Variants in REXO2 observed in about 807,000 individuals in gnomAD.
REXO2 encodes the protein oligoribonuclease, mitochondrial.
REXO2 carries 17 observed loss-of-function variants against 30.9 expected under a neutral mutation model. The ratio of observed to expected loss-of-function variants is 0.55; its 90% CI spans 0.38 to 0.82. The LOEUF is 0.82. Ranked by LOEUF, REXO2 falls within the 40% of genes least tolerant of loss-of-function variation. The pLI is 0.00. For missense variants in REXO2, 253 were observed against 293.2 expected (o/e 0.86, Z 1.00); for synonymous variants, 105 against 99.6 (o/e 1.05, Z -0.32).
In REXO2 at chr11:114,443,939, A is replaced by T; in HGVS notation, c.309+6A>T. The T allele has an allele frequency of 4.4e-6, 7 of 1,596,436 alleles. No individual in the cohort carries two copies. The highest frequency in any genetic ancestry group is 6.0e-6 in the Non-Finnish European group (7 of 1,168,520). ...GTAAGGAGCATCACGGGAAGGTAACATTACCAAATAACAGGATTGCTGCTT... is the reference window on the plus strand; with the variant it reads ...GTAAGGAGCATCACGGGAAGGTAACTTTACCAAATAACAGGATTGCTGCTT... On this transcript the variant is annotated splice_donor_region_variant and intron_variant, in intron 3 of 6. Transcript: ENST00000265881.
At chr11:114,449,787 A>T (rs1212764849) in intron 6 of REXO2, 59 bp from the exon 7 acceptor site, 3 of 1,540,012 alleles carry the variant, frequency 1.9e-6, no homozygotes, top group African/African-American at 1.4e-5. Context: ...TGTACTTTTA[A>T]AATGATTTTC....
At position 114,439,586 on chromosome 11, in the gene REXO2, C is replaced by G. The variant is rs1565269550; in HGVS notation, c.58C>G (p.Arg20Gly). The change falls in exon 1 of 7, where the codon CGG (arginine) becomes GGG (glycine). Residue 20 changes from arginine (R) to glycine (G), a missense_variant. Coordinates refer to ENST00000265881, the MANE Select transcript of REXO2 (RefSeq NM_015523.4). Reference sequence around the variant, plus strand: ...GCGGGGTGTAGGTGGGAGTCACGGACGGTTCGGGGCCCGAGGTGTCCGCGA... The same window carrying G: ...GCGGGGTGTAGGTGGGAGTCACGGAGGGTTCGGGGCCCGAGGTGTCCGCGA... ...LLRGVGGSHG[R>G]FGARGVREGG... The G allele has an allele frequency of 6.2e-7, 1 of 1,608,836 alleles. No homozygotes were observed. Among genetic ancestry groups the G allele is most frequent in the South Asian group, 1.1e-5 (1 of 90,908 alleles).
chr11:114,442,996 A>C lies in REXO2; in HGVS notation c.232-860A>C, dbSNP rs1167852479. On this transcript the variant is annotated intron_variant, in intron 2 of 6. Transcript: ENST00000265881. Reference sequence around the variant, plus strand: ...GCTCCTTCTTACTCCAAGTTTATGTATTGTCTTGATATTTTGTATGTTTAT... The same window carrying C: ...GCTCCTTCTTACTCCAAGTTTATGTCTTGTCTTGATATTTTGTATGTTTAT... Among the ~76,000 whole-genome samples the C allele has an allele frequency of 2.6e-5, 4 of 151,838 alleles. No homozygotes were observed. In the East Asian group the frequency reaches 7.7e-4, roughly 29 times the overall value.
At chr11:114,444,354 T>C (rs1946499221) in intron 3 of REXO2, 187 bp from the exon 4 acceptor site, 2 of 637,618 alleles carry the variant, frequency 3.1e-6, no homozygotes, top group African/African-American at 3.7e-5. Flanking sequence ...CATAACTAAG[T>C]TGGCTTGGAT....
Position 114,439,599 on chromosome 11 carries a change from G to A in REXO2, c.71G>A (p.Arg24Gln), listed in dbSNP as rs1300784375. The change falls in exon 1 of 7, where the codon CGA (arginine) becomes CAA (glutamine). Residue 24 changes from arginine (R) to glutamine (Q), a missense_variant. Coordinates refer to ENST00000265881, the MANE Select transcript of REXO2 (RefSeq NM_015523.4). ...VGGSHGRFGARGVREGGAAMA... is the reference protein window; with the variant it reads ...VGGSHGRFGAQGVREGGAAMA... ...GGGAGTCACGGACGGTTCGGGGCCC[G>A]AGGTGTCCGCGAAGGTGGCGCAGCC... is the stretch of plus-strand genomic sequence containing the variant. The A allele has an allele frequency of 1.2e-6, 2 of 1,607,580 alleles. No individual in the cohort carries two copies. The highest frequency in any genetic ancestry group is 2.2e-5 in the East Asian group (1 of 44,584).
chr11:114,441,609 A>G (rs1340458054), intron 2 of REXO2: 2 of 629,746 alleles, frequency 3.2e-6, no homozygotes, highest in Non-Finnish European at 5.7e-6. Context: ...ACTCCAGAAT[A>G]GGAACAAAGT....
chr11:114,442,469 C>T (rs548023346), intron 2 of REXO2, among the ~76,000 whole-genome samples: 5 of 151,926 alleles, frequency 3.3e-5, no homozygotes, highest in Non-Finnish European at 7.4e-5. Context: ...TTTGTTTCTT[C>T]GCAGAGATTA....
chr11:114,449,906 C>A lies in REXO2; in HGVS notation c.645C>A (p.Phe215Leu). 6.2e-7 allele frequency: 1 copy of A among 1,607,290 alleles called. No individual in the cohort carries two copies. Among genetic ancestry groups the A allele is most frequent in the South Asian group, 1.1e-5 (1 of 89,780 alleles). Residue 215 changes from phenylalanine (F) to leucine (L), a missense_variant, in exon 7 of 7, where the codon TTC (phenylalanine) becomes TTA (leucine). Physicochemically the swap from Phe to Leu is conservative, Grantham distance 22. Coordinates refer to ENST00000265881, the MANE Select transcript of REXO2 (RefSeq NM_015523.4). ...KELQFYRNNIFKKKIDEKKRK... is the reference protein window; with the variant it reads ...KELQFYRNNILKKKIDEKKRK... The stretch of plus-strand genomic sequence containing the variant: ...TTCAGTTTTACCGAAATAACATCTT[C>A]AAGAAAAAAATAGATGAAAAGAAGA...
chr11:114,446,285 T>C, intron 5 of REXO2, 198 bp downstream of exon 5: 1 of 387,176 alleles, frequency 2.6e-6, no homozygotes, highest in Non-Finnish European at 4.6e-6. Flanking sequence ...TCAGACATGT[T>C]CCCAGTAAAT....
At chr11:114,443,273 ATTTTTTT>A (rs368759864) in intron 2 of REXO2, among the ~76,000 whole-genome samples, 3 of 138,524 alleles carry the variant, frequency 2.2e-5, no homozygotes, top group Non-Finnish European at 3.2e-5. Context: ...GGCCCACCTA[ATTTTTTT>A]TTTTTTTTTT....
At chr11:114,443,032 GT>G (rs530889192) in intron 2 of REXO2, among the ~76,000 whole-genome samples, 1 of 150,634 alleles carries the variant, frequency 6.6e-6, no homozygotes, top group Non-Finnish European at 1.5e-5. Context: ...ATAAATGCGT[GT>G]TTTTTTTAAA....
At chr11:114,439,748 C>T (rs1026795659) in intron 1 of REXO2, 73 bp downstream of exon 1, 12 of 1,418,442 alleles carry the variant, frequency 8.5e-6, no homozygotes, top group African/African-American at 7.3e-5. Flanking sequence ...TCGAGCCCGT[C>T]CTGGGAGAGC....
intron 1 of REXO2, 86 bp downstream of exon 1, chr11:114,439,761 TG>T: frequency 7.1e-7 from 1 of 1,400,050 alleles, no homozygotes. Context: ...GGGAGAGCGT[TG>T]GGGGTCTGGG....
intron 1 of REXO2, 104 bp from the exon 2 acceptor site, chr11:114,440,552 A>G: frequency 1.2e-6 from 1 of 845,106 alleles, no homozygotes; most frequent in Non-Finnish European, 1.9e-6. Context: ...TCGGCTATGG[A>G]TTACAAGCTG....
intron 2 of REXO2, among the ~76,000 whole-genome samples, chr11:114,443,366 C>T (rs1016673197): frequency 5.9e-5 from 9 of 151,890 alleles, no homozygotes; most frequent in Non-Finnish European, 1.2e-4. Context: ...GATCCTCCCA[C>T]CTCGGCCTCC....
Position 114,439,630 on chromosome 11 carries a change from G to T in REXO2, c.102G>T (p.Ala34=). ...TCCGCGAAGGTGGCGCAGCCATGGC[G>T]GCAGGGGAGAGCATGGCTCAGCGGA... ...RGVREGGAAM[A]AGESMAQRMV... The change falls in exon 1 of 7, where the codon GCG becomes GCT. Residue 34 remains alanine (A), a synonymous_variant. Transcript: ENST00000265881. 1 of 1,600,848 alleles carries T rather than the reference G, an allele frequency of 6.2e-7. No homozygotes were observed.
chr11:114,440,355 GGTA>G (rs1946468199), intron 1 of REXO2, among the ~76,000 whole-genome samples: 1 of 152,162 alleles, frequency 6.6e-6, no homozygotes, highest in South Asian at 2.1e-4. Flanking sequence ...ACGTGGTGGT[GGTA>G]GTTATCCAAC....
intron 6 of REXO2, 131 bp from the exon 7 acceptor site, chr11:114,449,715 G>T: frequency 2.5e-6 from 2 of 800,672 alleles, no homozygotes; most frequent in Non-Finnish European, 3.7e-6. Flanking sequence ...TTCTACTTTT[G>T]ATGATGCTAG....
chr11:114,448,024 G>A, intron 6 of REXO2, 145 bp downstream of exon 6: 2 of 659,782 alleles, frequency 3.0e-6, no homozygotes, highest in Non-Finnish European at 2.6e-6. Flanking sequence ...TTCTTTTACT[G>A]TTAGGAATTC....
Sources: allele counts gnomAD v4.1 joint callset (sites outside exome capture counted in the v4.1 genomes callset), GRCh38; gene constraint gnomAD v4.1.1; transcripts MANE v1.5; gene names NCBI Gene and HGNC (gene_info 2026-07-23, HGNC 2026-07-21).